Variants in PLEKHG1 observed in about 807,000 individuals in gnomAD.
PLEKHG1 encodes the protein pleckstrin homology domain-containing family G member 1.
Under a neutral mutation model 100.8 loss-of-function variants are expected in PLEKHG1, and 44 were observed. That is an observed-to-expected ratio of 0.44 (90% CI 0.34 to 0.56). The LOEUF (loss-of-function observed/expected upper bound fraction) is 0.56, where lower values mean the gene tolerates loss of function less well. Ranked by LOEUF, PLEKHG1 falls within the 20% of genes least tolerant of loss-of-function variation. The probability of loss-of-function intolerance (pLI) is 0.01; values close to 1 mark genes in which losing one functional copy is unlikely to be tolerated. For missense variants in PLEKHG1, 1,545 were observed against 1,720.9 expected (o/e 0.90, Z 1.81); for synonymous variants, 640 against 662.5 (o/e 0.97, Z 0.52).
At chr6:150,628,524 G>GAA (rs1355491779) in intron 1 of PLEKHG1, among the ~76,000 whole-genome samples, 2 of 19,636 alleles carry the variant, frequency 1.0e-4, no homozygotes, top group Non-Finnish European at 2.1e-4. Context: ...ATGTAGATAG[G>GAA]AAAACACACA....
rs576295709 is a variant in PLEKHG1, at chr6:150,736,270, A to C, written c.411+2178A>C. ...TGTGCCATGTTTCATCAACTGTCAG[A>C]TGGGACTAATAAGTAGGACCTGCCT... On this transcript the variant is annotated intron_variant, in intron 2 of 15. Transcript: ENST00000358517. Among the ~76,000 whole-genome samples the C allele has an allele frequency of 5.9e-5, 9 of 152,354 alleles. No homozygotes were observed. The South Asian group carries it at 1.7e-3, about 28-fold the overall frequency.
At chr6:150,835,906 T>C (rs188096400) in intron 15 of PLEKHG1, among the ~76,000 whole-genome samples, 6 of 152,332 alleles carry the variant, frequency 3.9e-5, no homozygotes, top group African/African-American at 1.4e-4. Context: ...TCAAAATTGA[T>C]AAATGGTCAA....
intron 14 of PLEKHG1, chr6:150,827,797 T>C (rs1202935376): frequency 4.2e-6 from 6 of 1,428,168 alleles, no homozygotes; most frequent in African/African-American, 1.4e-5. Context: ...CAGTCAGTGG[T>C]GAAAACATAT....
intron 1 of PLEKHG1, among the ~76,000 whole-genome samples, chr6:150,732,314 G>T (rs1782311964): frequency 6.6e-6 from 1 of 152,166 alleles, no homozygotes; most frequent in South Asian, 2.1e-4. Context: ...GTGGAGAGTT[G>T]TAGTTAATCA....
exon 2 of PLEKHG1, chr6:150,733,998 C>T: frequency 6.2e-7 from 1 of 1,614,152 alleles, no homozygotes; most frequent in South Asian, 1.1e-5. Flanking sequence ...GCAGACTCGG[C>T]CACGAGCCCC....
At chr6:150,743,079 G>A (rs915752178) in intron 2 of PLEKHG1, among the ~76,000 whole-genome samples, 1 of 152,200 alleles carries the variant, frequency 6.6e-6, no homozygotes, top group African/African-American at 2.4e-5. Flanking sequence ...GATGGGAGGT[G>A]CAGTCTAGCC....
intron 1 of PLEKHG1, among the ~76,000 whole-genome samples, chr6:150,612,215 T>A (rs894231574): frequency 1.3e-5 from 2 of 152,238 alleles, no homozygotes; most frequent in Non-Finnish European, 2.9e-5. Context: ...CCTTTTAGAC[T>A]CTTATCTCTT....
intron 3 of PLEKHG1, among the ~76,000 whole-genome samples, chr6:150,712,339 A>C (rs1369342269): frequency 1.3e-5 from 2 of 152,172 alleles, no homozygotes; most frequent in Non-Finnish European, 2.9e-5. Flanking sequence ...ACCTTTAGAC[A>C]AAGCAAGACT....
intron 2 of PLEKHG1, among the ~76,000 whole-genome samples, chr6:150,748,798 G>A (rs1315717439): frequency 1.3e-5 from 2 of 151,218 alleles, no homozygotes; most frequent in Middle Eastern, 3.4e-3. Flanking sequence ...AATTTTTTTT[G>A]TATTTTTAGT....
chr6:150,804,763 G>T, intron 7 of PLEKHG1, 22 bp downstream of exon 8: 1 of 1,609,050 alleles, frequency 6.2e-7, no homozygotes. Flanking sequence ...AGGTGTCGGT[G>T]CCCGGCAGGG....
intron 2 of PLEKHG1, among the ~76,000 whole-genome samples, chr6:150,755,174 C>T (rs1331495170): frequency 6.6e-6 from 1 of 151,920 alleles, no homozygotes; most frequent in Non-Finnish European, 1.5e-5. Context: ...ACAGGTCTCA[C>T]TTTGTTGCCC....
At chr6:150,680,522 A>G (rs1190646547) in intron 3 of PLEKHG1, among the ~76,000 whole-genome samples, 3 of 152,236 alleles carry the variant, frequency 2.0e-5, no homozygotes, top group Non-Finnish European at 4.4e-5. Context: ...GGCTGAAAAT[A>G]TAAATGAGTC....
chr6:150,832,063 T>G, exon 15 of PLEKHG1: 1 of 1,614,078 alleles, frequency 6.2e-7, no homozygotes, highest in Non-Finnish European at 8.5e-7. Flanking sequence ...GGCAGTACAG[T>G]CAGAAGATTA....
At chr6:150,841,015 A>G in exon 16 of PLEKHG1, 1 of 813,962 alleles carries the variant, frequency 1.2e-6, no homozygotes. Flanking sequence ...CAGAGGTGTA[A>G]AATATACTTT....
At chr6:150,810,543 A>AAAGAAAGAAAGAAAGAAAGAAAGG (rs754046929) in intron 10 of PLEKHG1, among the ~76,000 whole-genome samples, 148 of 146,904 alleles carry the variant, frequency 1.0e-3, no homozygotes, top group Middle Eastern at 3.7e-3. Context: ...AGAAAGGAAG[A>AAAGAAAGAAAGAAAGAAAGAAAGG]AAGGAAGGAA....
chr6:150,702,837 G>A (rs1056652446), intron 3 of PLEKHG1, among the ~76,000 whole-genome samples: 11 of 152,204 alleles, frequency 7.2e-5, no homozygotes, highest in Middle Eastern at 3.4e-3. Context: ...TTGCCTCAGG[G>A]CTGTTCTGAA....
At chr6:150,716,229 T>C (rs74438733), upstream of PLEKHG1, among the ~76,000 whole-genome samples, 16 of 152,238 alleles carry the variant, frequency 1.1e-4, no homozygotes, top group East Asian at 3.1e-3. Context: ...CCAAAAATGG[T>C]TGGTTTTGCC....
At chr6:150,835,720 C>T (rs1343298601) in intron 15 of PLEKHG1, among the ~76,000 whole-genome samples, 1 of 152,120 alleles carries the variant, frequency 6.6e-6, no homozygotes, top group Middle Eastern at 3.2e-3. Flanking sequence ...TTAATTACAG[C>T]TGGAGCTCTG....
intron 7 of PLEKHG1, among the ~76,000 whole-genome samples, chr6:150,808,233 AG>A (rs1562537082): frequency 6.6e-6 from 1 of 152,084 alleles, no homozygotes; most frequent in Non-Finnish European, 1.5e-5. Flanking sequence ...TAACAAAAAA[AG>A]CACTAAAACA....
Sources: gnomAD v4.1 joint callset for allele counts (sites outside exome capture counted in the v4.1 genomes callset) on GRCh38, gnomAD v4.1.1 for gene constraint, MANE v1.5 for transcripts, NCBI Gene and HGNC (gene_info 2026-07-23, HGNC 2026-07-21) for gene names.